TAF1: variants seen among roughly 807,000 people sequenced by gnomAD.
The protein encoded by TAF1 is transcription initiation factor TFIID subunit 1.
TAF1 carries 2 observed loss-of-function variants against 138.5 expected under a neutral mutation model. The observed-to-expected ratio is 0.01, with a 90% CI of 0.01 to 0.05. The LOEUF (loss-of-function observed/expected upper bound fraction) is 0.05, where lower values mean the gene tolerates loss of function less well. Among genes scored for constraint, TAF1 ranks in the 10% least tolerant of loss-of-function variants. TAF1 has a pLI of 1.00. For synonymous variants in TAF1, 437 were observed against 503.2 expected (o/e 0.87, Z 1.76); for missense variants, 709 against 1,478.0 (o/e 0.48, Z 8.53).
At chrX:71,435,158 GA>G (rs1464638680) in intron 32 of TAF1, among the ~76,000 whole-genome samples, 1 of 112,068 alleles carries the variant, frequency 8.9e-6, no homozygotes, top group African/African-American at 3.2e-5. Context: ...GACATAGGTA[GA>G]ACATGTGTCA....
At position 71,394,380 on chromosome X, in the gene TAF1, A is replaced by G. The variant is rs2034733088; in HGVS notation, c.3406+135A>G. The G allele has an allele frequency of 6.0e-6, 5 of 826,939 alleles. No individual in the cohort carries two copies. The Admixed American group carries it at 1.2e-4, about 20-fold the overall frequency. The allele number at this position is 826,939 out of a possible 1,213,427, so 68.1% of individuals were successfully genotyped here. ...TGCATGTAGAAAAGTCTGTGAATGA[A>G]GTAGAAAGCTTTTTACAAACTGGAC... On this transcript the variant is annotated intron_variant, in intron 22 of 37. Coordinates refer to ENST00000423759, the MANE Select transcript of TAF1 (RefSeq NM_004606.5).
intron 32 of TAF1, among the ~76,000 whole-genome samples, chrX:71,444,780 C>A (rs550363762): frequency 9.1e-6 from 1 of 109,727 alleles, no homozygotes; most frequent in Non-Finnish European, 1.9e-5. Context: ...AAGGAGTCTC[C>A]GCTCTGTCGC....
intron 13 of TAF1, among the ~76,000 whole-genome samples, chrX:71,477,723 G>A (rs2039003566): frequency 8.9e-6 from 1 of 112,349 alleles, no homozygotes; most frequent in African/African-American, 3.2e-5. Flanking sequence ...GCCGGGCACG[G>A]TGGCATACGC....
chrX:71,412,007 C>T (rs752818536), intron 28 of TAF1, among the ~76,000 whole-genome samples: 28 of 111,933 alleles, frequency 2.5e-4, no homozygotes, highest in African/African-American at 9.1e-4. Context: ...CTGCCCGCCT[C>T]GGCCTCCCAA....
intron 13 of TAF1, among the ~76,000 whole-genome samples, chrX:71,496,822 TC>T (rs904166080): frequency 3.6e-5 from 4 of 110,987 alleles, no homozygotes; most frequent in Non-Finnish European, 7.6e-5. Context: ...TTTCTGTCTC[TC>T]CCCCCCAACC....
At chrX:71,382,049 C>T (rs1448405414) in intron 9 of TAF1, 130 bp downstream of exon 9, 5 of 762,561 alleles carry the variant, frequency 6.6e-6, no homozygotes, top group African/African-American at 2.2e-5. Flanking sequence ...CTTGAGAGAG[C>T]GAAGTTTTGG....
intron 32 of TAF1, among the ~76,000 whole-genome samples, chrX:71,444,458 C>G (rs1213274417): frequency 8.9e-6 from 1 of 111,790 alleles, no homozygotes; most frequent in Non-Finnish European, 1.9e-5. Flanking sequence ...GTGGCTCACA[C>G]CTGTAATCCC....
intron 13 of TAF1, among the ~76,000 whole-genome samples, chrX:71,504,492 G>T (rs2147586444): frequency 9.1e-6 from 1 of 109,478 alleles, no homozygotes; most frequent in Non-Finnish European, 1.9e-5. Context: ...GTTCCCCAAT[G>T]TCAGGAGCCA....
intron 28 of TAF1, among the ~76,000 whole-genome samples, chrX:71,419,385 AAAAAAC>A (rs1022342089): frequency 9.0e-4 from 100 of 111,097 alleles, no homozygotes; most frequent in African/African-American, 2.5e-3. Context: ...GCAAAGGAAA[AAAAAAC>A]AAAAACAAAA....
chrX:71,430,451 A>T (rs1279702945), intron 32 of TAF1, among the ~76,000 whole-genome samples: 2 of 111,521 alleles, frequency 1.8e-5, no homozygotes, highest in Non-Finnish European at 3.8e-5. Context: ...AAAATGGTAG[A>T]CTTAGCTAAC....
intron 13 of TAF1, among the ~76,000 whole-genome samples, chrX:71,474,899 C>T (rs1460898764): frequency 9.0e-6 from 1 of 111,279 alleles, no homozygotes; most frequent in Non-Finnish European, 1.9e-5. Flanking sequence ...AGATCAAAGG[C>T]TCTGAGGCAA....
chrX:71,433,293 A>G (rs1024954033), intron 32 of TAF1, among the ~76,000 whole-genome samples: 3 of 112,193 alleles, frequency 2.7e-5, no homozygotes, highest in African/African-American at 6.5e-5. Flanking sequence ...CATGTGAACA[A>G]TAAGGTAACT....
chrX:71,445,693 A>G (rs944942738), intron 32 of TAF1, among the ~76,000 whole-genome samples: 20 of 111,872 alleles, frequency 1.8e-4, no homozygotes, highest in Admixed American at 9.5e-5. Flanking sequence ...GTACAAAAAC[A>G]TCTTACTGGG....
chrX:71,491,064 T>G (rs2039273131), intron 13 of TAF1: 1 of 101,199 alleles, frequency 9.9e-6, no homozygotes, highest in South Asian at 4.6e-4. Flanking sequence ...TTTTTTTTTT[T>G]TTTTAGATTA....
intron 5 of TAF1, 105 bp from the exon 6 acceptor site, chrX:71,377,498 C>G (rs763355014): frequency 3.1e-6 from 3 of 957,273 alleles, no homozygotes; most frequent in Non-Finnish European, 4.2e-6. Context: ...CTTTGTTTCT[C>G]CCCCACATTT....
intron 13 of TAF1, among the ~76,000 whole-genome samples, chrX:71,475,266 A>G (rs1240243748): frequency 1.8e-5 from 2 of 111,406 alleles, no homozygotes. Context: ...AAAAGACCCA[A>G]TGTTCAATGG....
chrX:71,484,430 T>C (rs779363228), intron 13 of TAF1, among the ~76,000 whole-genome samples: 2 of 109,233 alleles, frequency 1.8e-5, no homozygotes, highest in South Asian at 8.1e-4. Flanking sequence ...ACTCCCGGGT[T>C]CAAGTGATTC....
At chrX:71,376,856 T>C in intron 4 of TAF1, 94 bp from the exon 5 acceptor site, 1 of 1,122,722 alleles carries the variant, frequency 8.9e-7, no homozygotes, top group East Asian at 3.0e-5. Context: ...CTCCTGGCAT[T>C]GAGCCATGTG....
chrX:71,477,341 A>T (rs2038998155), intron 13 of TAF1, among the ~76,000 whole-genome samples: 1 of 110,236 alleles, frequency 9.1e-6, no homozygotes, highest in African/African-American at 3.3e-5. Flanking sequence ...CCCAGGCTGC[A>T]TTGCAATAGT....
Sources: gnomAD v4.1 joint callset for allele counts (sites outside exome capture counted in the v4.1 genomes callset) on GRCh38, gnomAD v4.1.1 for gene constraint, MANE v1.5 for transcripts, NCBI Gene and HGNC (gene_info 2026-07-23, HGNC 2026-07-21) for gene names.